PTPRZ1: variants seen among roughly 807,000 people sequenced by gnomAD.
PTPRZ1 encodes the protein protein tyrosine phosphatase receptor type Z1, also known as receptor-type tyrosine-protein phosphatase zeta.
In PTPRZ1, 82 loss-of-function variants were observed where a neutral mutation model predicts 214.1. That is an observed-to-expected ratio of 0.38 (90% CI 0.32 to 0.46). The LOEUF (loss-of-function observed/expected upper bound fraction) is 0.46, where lower values mean the gene tolerates loss of function less well. Ranked by LOEUF, PTPRZ1 falls within the 20% of genes least tolerant of loss-of-function variation. The pLI, the probability that PTPRZ1 is intolerant of heterozygous loss-of-function variation, is 1.00. For missense variants in PTPRZ1, 2,603 were observed against 2,748.7 expected, an observed-to-expected ratio of 0.95 and a Z score of 1.19; for synonymous variants, 945 against 987.9, an observed-to-expected ratio of 0.96 and a Z score of 0.81.
intron 1 of PTPRZ1, among the ~76,000 whole-genome samples, chr7:121,895,106 T>G (rs184474194): frequency 7.7e-4 from 118 of 152,322 alleles, no homozygotes; most frequent in Admixed American, 2.0e-3. Flanking sequence ...TATTTTGATA[T>G]CCAAATGCTT....
At chr7:121,921,366 A>G (rs1795592612) in intron 1 of PTPRZ1, among the ~76,000 whole-genome samples, 1 of 151,950 alleles carries the variant, frequency 6.6e-6, no homozygotes, top group Non-Finnish European at 1.5e-5. Context: ...CACCTTTGAG[A>G]CTCTCCTTGG....
intron 6 of PTPRZ1, among the ~76,000 whole-genome samples, chr7:121,980,026 GAA>G (rs57030236): frequency 7.0e-6 from 1 of 143,322 alleles, no homozygotes; most frequent in African/African-American, 2.6e-5. Context: ...AGAGGAAAAT[GAA>G]AAAAAAAAAA....
intron 10 of PTPRZ1, among the ~76,000 whole-genome samples, 191 bp downstream of exon 10, chr7:121,998,197 A>G (rs891135491): frequency 2.0e-5 from 3 of 152,208 alleles, no homozygotes; most frequent in Admixed American, 2.0e-4. Flanking sequence ...GTGCCAGACA[A>G]TAAGTAAACT....
chr7:121,969,881 C>T (rs1797178234), intron 3 of PTPRZ1, among the ~76,000 whole-genome samples: 1 of 151,422 alleles, frequency 6.6e-6, no homozygotes, highest in East Asian at 1.9e-4. Context: ...ATACATGTGC[C>T]ATGTTGGTGT....
At position 121,952,390 on chromosome 7, in the gene PTPRZ1, C is replaced by A. The variant is rs1796578779; in HGVS notation, c.125-15561C>A. 2.0e-5 allele frequency among the ~76,000 whole-genome samples: 3 copies of A among 152,100 alleles called. No homozygotes were observed. The South Asian group carries it at 6.2e-4, about 32-fold the overall frequency. Reference sequence around the variant, plus strand: ...CTTGAGGCCAGAAGTAGAAGACCATCCTGGGCAACATAGAGAGACTCTATA... The same window carrying A: ...CTTGAGGCCAGAAGTAGAAGACCATACTGGGCAACATAGAGAGACTCTATA... On this transcript the variant is annotated intron_variant, in intron 2 of 29. Coordinates refer to ENST00000393386, the MANE Select transcript of PTPRZ1 (RefSeq NM_002851.3).
At chr7:121,953,680 A>G (rs1274793430) in intron 2 of PTPRZ1, among the ~76,000 whole-genome samples, 3 of 152,228 alleles carry the variant, frequency 2.0e-5, no homozygotes, top group African/African-American at 4.8e-5. Context: ...CACACTGACA[A>G]CAAATAATTC....
At chr7:121,926,027 G>T (rs181048813) in intron 1 of PTPRZ1, among the ~76,000 whole-genome samples, 1 of 152,212 alleles carries the variant, frequency 6.6e-6, no homozygotes, top group Admixed American at 6.5e-5. Flanking sequence ...ATTACAAGCC[G>T]GGCACAGTGG....
Position 121,873,470 on chromosome 7 carries a change from G to A in PTPRZ1, c.-30G>A. 1 of 1,612,270 alleles carries A rather than the reference G, an allele frequency of 6.2e-7. No individual in the cohort carries two copies. Among genetic ancestry groups the A allele is most frequent in the Non-Finnish European group, 8.5e-7 (1 of 1,179,316 alleles). On this transcript the variant is annotated 5_prime_UTR_variant, in exon 1 of 30. Coordinates refer to ENST00000393386, the MANE Select transcript of PTPRZ1 (RefSeq NM_002851.3). ...CTCCACTCTGAGAAGCAGAGGAGCCGCACGGCGAGGGGCCGCAGACCGTCT... is the reference window on the plus strand; with the variant it reads ...CTCCACTCTGAGAAGCAGAGGAGCCACACGGCGAGGGGCCGCAGACCGTCT...
At chr7:121,888,510 A>G (rs1277520408) in intron 1 of PTPRZ1, among the ~76,000 whole-genome samples, 1 of 152,120 alleles carries the variant, frequency 6.6e-6, no homozygotes, top group East Asian at 1.9e-4. Context: ...GTGAAAAACA[A>G]TAGGAAAATC....
At chr7:121,999,669 T>C (rs1388518020) in intron 10 of PTPRZ1, among the ~76,000 whole-genome samples, 1 of 152,324 alleles carries the variant, frequency 6.6e-6, no homozygotes, top group East Asian at 1.9e-4. Flanking sequence ...ATTTTTACAC[T>C]GTTTCCTATT....
chr7:121,962,297 A>C, intron 2 of PTPRZ1, among the ~76,000 whole-genome samples: 1 of 151,826 alleles, frequency 6.6e-6, no homozygotes, highest in Admixed American at 6.6e-5. Context: ...AAATACAAAA[A>C]GTTAGCTGGG....
intron 10 of PTPRZ1, 70 bp downstream of exon 10, chr7:121,998,076 A>T: frequency 1.4e-6 from 2 of 1,471,596 alleles, no homozygotes; most frequent in South Asian, 2.5e-5. Flanking sequence ...GTATGCATTG[A>T]TGCTTTCTCT....
At chr7:121,891,322 C>T (rs938449994) in intron 1 of PTPRZ1, among the ~76,000 whole-genome samples, 1 of 151,856 alleles carries the variant, frequency 6.6e-6, no homozygotes, top group Non-Finnish European at 1.5e-5. Flanking sequence ...ATTTTATTCT[C>T]TATCTCTTCC....
At chr7:121,996,120 T>G (rs79300430) in intron 8 of PTPRZ1, among the ~76,000 whole-genome samples, 2,372 of 152,170 alleles carry the variant, frequency 0.016, 36 homozygotes, top group Non-Finnish European at 0.023. Flanking sequence ...CAGTAGAGAT[T>G]AATGTGAGTA....
rs997554494 is a variant in PTPRZ1 at position 122,061,655 on chromosome 7, A to T, written c.*435A>T. ...AAAACACTCTTCCATATGATATTCAACATTTTACAACTGCAGTATTCACCT... is the reference window on the plus strand; with the variant it reads ...AAAACACTCTTCCATATGATATTCATCATTTTACAACTGCAGTATTCACCT... On this transcript the variant is annotated 3_prime_UTR_variant, in exon 30 of 30. Coordinates refer to ENST00000393386, the MANE Select transcript of PTPRZ1 (RefSeq NM_002851.3). The T allele has an allele frequency of 2.6e-5, 4 of 152,824 alleles. No individual in the cohort carries two copies. The highest frequency in any genetic ancestry group is 7.2e-5 in the African/African-American group (3 of 41,466). 9.5% of individuals were successfully genotyped at this position (152,824 alleles called of 1,614,324 possible).
chr7:122,010,311 T>G, intron 11 of PTPRZ1, 23 bp from the exon 12 acceptor site: 1 of 1,576,156 alleles, frequency 6.3e-7, no homozygotes, highest in Non-Finnish European at 8.6e-7. Context: ...TATGACTCAT[T>G]AAATCTTGTT....
At chr7:121,899,567 T>C (rs1794899419) in intron 1 of PTPRZ1, among the ~76,000 whole-genome samples, 1 of 152,154 alleles carries the variant, frequency 6.6e-6, no homozygotes, top group Admixed American at 6.5e-5. Context: ...AGGCTATCTC[T>C]CTCCTGAGAA....
intron 2 of PTPRZ1, among the ~76,000 whole-genome samples, chr7:121,964,440 T>A (rs1796978888): frequency 6.6e-6 from 1 of 152,146 alleles, no homozygotes; most frequent in Admixed American, 6.5e-5. Flanking sequence ...TCATGAGAAC[T>A]AACTCACTGT....
chr7:122,051,406 AT>A, intron 23 of PTPRZ1, 21 bp from the exon 24 acceptor site: 7 of 1,583,392 alleles, frequency 4.4e-6, no homozygotes, highest in Non-Finnish European at 6.1e-6. Context: ...TAACCTATAT[AT>A]TTTTTTACTT....
Sources: gnomAD v4.1 joint callset for allele counts (sites outside exome capture counted in the v4.1 genomes callset) on GRCh38, gnomAD v4.1.1 for gene constraint, MANE v1.5 for transcripts, NCBI Gene and HGNC (gene_info 2026-07-23, HGNC 2026-07-21) for gene names.